IRAK3: variants seen among roughly 807,000 people sequenced by gnomAD.
The protein encoded by IRAK3 is interleukin 1 receptor associated kinase 3.
In IRAK3, 57 loss-of-function variants were observed where a neutral mutation model predicts 56.6. That is an observed-to-expected ratio of 1.01 (90% CI 0.81 to 1.26). The LOEUF (loss-of-function observed/expected upper bound fraction) is 1.26, where lower values mean the gene tolerates loss of function less well. Ranked by LOEUF, IRAK3 falls within the 50% of genes most tolerant of loss-of-function variation. The probability of loss-of-function intolerance (pLI) is 0.00; values close to 1 mark genes in which losing one functional copy is unlikely to be tolerated. For synonymous variants in IRAK3, 258 were observed against 255.7 expected (o/e 1.01, Z -0.09); for missense variants, 703 against 719.0 (o/e 0.98, Z 0.25).
chr12:66,213,654 C>T (rs987357578), intron 5 of IRAK3, among the ~76,000 whole-genome samples: 62 of 151,652 alleles, frequency 4.1e-4, no homozygotes, highest in African/African-American at 1.5e-3. Context: ...TTGATTTTAA[C>T]AAATGTACCT....
At position 66,250,875 on chromosome 12, in the gene IRAK3, T is replaced by C. The variant is rs1199809261; in HGVS notation, c.*2704T>C. 6.6e-6 allele frequency: 1 copy of C among 152,172 alleles called. No individual in the cohort carries two copies. Among genetic ancestry groups the C allele is most frequent in the Non-Finnish European group, 1.5e-5 (1 of 68,040 alleles). The allele number at this position is 152,172 out of a possible 1,614,324, so 9.4% of individuals were successfully genotyped here. A position where few individuals can be genotyped will look rare whatever the true frequency, so the allele number is the denominator to read the frequency against. On this transcript the variant is annotated 3_prime_UTR_variant, in exon 12 of 12. Transcript: ENST00000261233. Reference sequence around the variant, plus strand: ...TGCAATAGGTCTGGGGTTAGAAATTTTGCTTTCTAATGAGTTCCCAGGTGA... The same window carrying C: ...TGCAATAGGTCTGGGGTTAGAAATTCTGCTTTCTAATGAGTTCCCAGGTGA...
Position 66,196,924 on chromosome 12 carries a change from G to C in IRAK3, c.134-6787G>C, listed in dbSNP as rs931715045. ...TGAGAATGGAGTCTTAATTTTGCAG[G>C]GGTTTTGGCATGTGGTTGTATGCAA... On this transcript the variant is annotated intron_variant, in intron 1 of 11. Transcript: ENST00000261233. 3.3e-6 allele frequency: 5 copies of C among 1,534,304 alleles called. No individual in the cohort carries two copies. The African/African-American group carries it at 6.9e-5, about 21-fold the overall frequency.
intron 1 of IRAK3, among the ~76,000 whole-genome samples, chr12:66,202,369 A>G (rs1040882644): frequency 2.0e-5 from 3 of 152,172 alleles, no homozygotes; most frequent in Non-Finnish European, 4.4e-5. Flanking sequence ...ACCAGAGATC[A>G]TTAGACAAAT....
At chr12:66,209,968 T>C (rs2052595846) in intron 3 of IRAK3, among the ~76,000 whole-genome samples, 179 bp from the exon 4 acceptor site, 1 of 152,186 alleles carries the variant, frequency 6.6e-6, no homozygotes, top group South Asian at 2.1e-4. Context: ...AAGCCTTAAA[T>C]ATGGCAATGA....
chr12:66,197,062 T>G (rs2052461202), intron 1 of IRAK3: 2 of 1,422,002 alleles, frequency 1.4e-6, no homozygotes, highest in Admixed American at 5.9e-5. Context: ...TCCTGCACTC[T>G]CAAAACAGCC....
intron 6 of IRAK3, 125 bp from the exon 7 acceptor site, chr12:66,226,598 C>T (rs1047203732): frequency 3.6e-5 from 25 of 699,912 alleles, no homozygotes; most frequent in African/African-American, 8.8e-5. Flanking sequence ...CCAATGTGTC[C>T]GGCTGAATTT....
intron 1 of IRAK3, among the ~76,000 whole-genome samples, chr12:66,201,542 G>A (rs2136917619): frequency 6.6e-6 from 1 of 152,250 alleles, no homozygotes; most frequent in Non-Finnish European, 1.5e-5. Flanking sequence ...ATAGGAACAA[G>A]ACCACCTTTT....
At chr12:66,239,173 G>A (rs921098711) in intron 8 of IRAK3, among the ~76,000 whole-genome samples, 1 of 151,916 alleles carries the variant, frequency 6.6e-6, no homozygotes, top group African/African-American at 2.4e-5. Flanking sequence ...CATTTCTAAT[G>A]TTTCCTATAA....
In IRAK3 at chr12:66,251,341, T is replaced by C. The variant is rs1168914039; in HGVS notation, c.*3170T>C. On this transcript the variant is annotated 3_prime_UTR_variant, in exon 12 of 12. Coordinates refer to ENST00000261233, the MANE Select transcript of IRAK3 (RefSeq NM_007199.3). ...TGATATGAATTAAATGTTGCAACTT[T>C]CTATGGGTAATAAGAGGATACCTTT... 2 of 152,214 alleles carry C rather than the reference T, an allele frequency of 1.3e-5. No homozygotes were observed. Among genetic ancestry groups the C allele is most frequent in the African/African-American group, 4.8e-5 (2 of 41,456 alleles). 9.4% of individuals were successfully genotyped at this position (152,214 alleles called of 1,614,324 possible). A position where few individuals can be genotyped will look rare whatever the true frequency, so the allele number is the denominator to read the frequency against.
At chr12:66,211,971 C>T (rs752312304) in intron 5 of IRAK3, among the ~76,000 whole-genome samples, 28 of 151,996 alleles carry the variant, frequency 1.8e-4, no homozygotes, top group African/African-American at 6.5e-4. Flanking sequence ...CTTAGCTGGG[C>T]GTGGTGGTAT....
intron 1 of IRAK3, among the ~76,000 whole-genome samples, chr12:66,192,967 C>G (rs1449074615): frequency 6.6e-6 from 1 of 151,616 alleles, no homozygotes; most frequent in Admixed American, 6.6e-5. Context: ...TTTTTCTTTT[C>G]TTTTCTTTCT....
intron 1 of IRAK3, among the ~76,000 whole-genome samples, chr12:66,194,846 AT>A (rs1305881401): frequency 8.3e-5 from 12 of 144,480 alleles, no homozygotes; most frequent in African/African-American, 2.6e-4. Context: ...AAAAAAAAAA[AT>A]TACATGCTCC....
intron 6 of IRAK3, 25 bp from the exon 7 acceptor site, chr12:66,226,698 G>A (rs762739168): frequency 1.2e-5 from 17 of 1,360,086 alleles, no homozygotes; most frequent in Non-Finnish European, 1.8e-5. Context: ...CAATTTGATG[G>A]CTTTAAAACA....
chr12:66,239,664 A>T (rs1027307978), intron 8 of IRAK3, among the ~76,000 whole-genome samples: 5 of 152,180 alleles, frequency 3.3e-5, no homozygotes, highest in Non-Finnish European at 7.4e-5. Flanking sequence ...TTAGATATAT[A>T]TAATTCTTTT....
rs1411477202 is a variant in IRAK3 at position 66,196,994 on chromosome 12, C to A, written c.134-6717C>A. ...GGATGTGTTGCATTATTTGAAAAAA[C>A]CCCTTCAGAGACATATTTGCATATG... On this transcript the variant is annotated intron_variant, in intron 1 of 11. Coordinates refer to ENST00000261233, the MANE Select transcript of IRAK3 (RefSeq NM_007199.3). The A allele has an allele frequency of 5.9e-6, 9 of 1,534,546 alleles. No individual in the cohort carries two copies. In the African/African-American group the frequency reaches 9.6e-5, roughly 16 times the overall value.
chr12:66,219,060 G>A (rs1188432881), intron 6 of IRAK3, among the ~76,000 whole-genome samples: 1 of 152,120 alleles, frequency 6.6e-6, no homozygotes, highest in African/African-American at 2.4e-5. Context: ...ATGTGTGTGT[G>A]TGTGTGTGTC....
At chr12:66,216,965 A>G (rs1276783939) in intron 5 of IRAK3, among the ~76,000 whole-genome samples, 1 of 152,194 alleles carries the variant, frequency 6.6e-6, no homozygotes, top group Non-Finnish European at 1.5e-5. Flanking sequence ...AAAACCTTCA[A>G]TTCAAGAACA....
intron 5 of IRAK3, among the ~76,000 whole-genome samples, chr12:66,212,868 C>A (rs915552778): frequency 2.6e-5 from 4 of 151,758 alleles, no homozygotes; most frequent in African/African-American, 9.7e-5. Context: ...CATCACACAC[C>A]CAGGGCCTGT....
downstream of IRAK3, chr12:66,254,622 ACAGT>A (rs978651781): frequency 2.0e-5 from 3 of 151,966 alleles, no homozygotes; most frequent in Non-Finnish European, 4.4e-5. Context: ...GAAAAAAAAA[ACAGT>A]CATTTTCTAC....
Sources: gnomAD v4.1 joint callset for allele counts (sites outside exome capture counted in the v4.1 genomes callset) on GRCh38, gnomAD v4.1.1 for gene constraint, MANE v1.5 for transcripts, NCBI Gene and HGNC (gene_info 2026-07-23, HGNC 2026-07-21) for gene names.